Variants in SAMMSON observed in about 807,000 individuals in gnomAD.
SAMMSON encodes long intergenic non-protein coding RNA 1212.
intron 4 of SAMMSON, among the ~76,000 whole-genome samples, chr3:70,242,515 T>G (rs768069132): frequency 1.3e-5 from 2 of 152,210 alleles, no homozygotes; most frequent in Non-Finnish European, 2.9e-5. Flanking sequence ...TGTTTCCTGT[T>G]GTTCTTGGCC....
chr3:70,036,228 T>G (rs2107585180), intron 3 of SAMMSON, among the ~76,000 whole-genome samples: 1 of 152,270 alleles, frequency 6.6e-6, no homozygotes, highest in East Asian at 1.9e-4. Flanking sequence ...TAAGGCAAAG[T>G]CTCTTTGAGG....
At chr3:70,293,296 T>C (rs1702257450) in intron 7 of SAMMSON, among the ~76,000 whole-genome samples, 1 of 152,078 alleles carries the variant, frequency 6.6e-6, no homozygotes, top group South Asian at 2.1e-4. Flanking sequence ...TACATACAAT[T>C]ATCAAAATAT....
At chr3:70,012,897 C>G (rs1456767727) in intron 2 of SAMMSON, among the ~76,000 whole-genome samples, 2 of 152,048 alleles carry the variant, frequency 1.3e-5, no homozygotes, top group Non-Finnish European at 2.9e-5. Flanking sequence ...CCTCTTCTAC[C>G]ATACAAGGAA....
chr3:70,232,906 A>G (rs551239715), intron 4 of SAMMSON, among the ~76,000 whole-genome samples: 8 of 152,204 alleles, frequency 5.3e-5, no homozygotes, highest in Admixed American at 1.3e-4. Flanking sequence ...TTGAAGCCCT[A>G]TGCTAGGCGT....
At chr3:70,241,029 C>G (rs1280861823) in intron 4 of SAMMSON, among the ~76,000 whole-genome samples, 1 of 152,138 alleles carries the variant, frequency 6.6e-6, no homozygotes. Flanking sequence ...CATTTTTACA[C>G]CTTGTAACCA....
At chr3:70,226,293 G>T (rs1476663535) in intron 4 of SAMMSON, among the ~76,000 whole-genome samples, 1 of 152,206 alleles carries the variant, frequency 6.6e-6, no homozygotes, top group African/African-American at 2.4e-5. Flanking sequence ...CAATGTGTGA[G>T]AGGCACTCAG....
chr3:70,045,437 C>T (rs961526282), intron 3 of SAMMSON, among the ~76,000 whole-genome samples: 4 of 151,502 alleles, frequency 2.6e-5, no homozygotes, highest in South Asian at 4.2e-4. Context: ...TTAAAAGCTT[C>T]CAATTCACTA....
chr3:70,226,418 G>A (rs1012994710), intron 4 of SAMMSON, among the ~76,000 whole-genome samples: 1 of 152,154 alleles, frequency 6.6e-6, no homozygotes, highest in Admixed American at 6.5e-5. Context: ...GGGTGTCTCA[G>A]TGAAATTTTC....
At chr3:70,183,919 A>T (rs1166122709) in intron 4 of SAMMSON, 1 of 152,192 alleles carries the variant, frequency 6.6e-6, no homozygotes, top group Non-Finnish European at 1.5e-5. Flanking sequence ...AAGAAGAGAG[A>T]GTGTGTCACT....
intron 4 of SAMMSON, among the ~76,000 whole-genome samples, chr3:70,182,058 C>T (rs1284591773): frequency 6.6e-6 from 1 of 152,020 alleles, no homozygotes; most frequent in Admixed American, 6.5e-5. Flanking sequence ...CAGGATGCTC[C>T]AGTGCTCTGA....
At chr3:70,180,735 C>A (rs4557126) in intron 4 of SAMMSON, among the ~76,000 whole-genome samples, 36,768 of 152,078 alleles carry the variant, frequency 0.24, 5,797 homozygotes, top group Non-Finnish European at 0.35. Flanking sequence ...TATATCTGGG[C>A]CAACAATGGG....
intron 4 of SAMMSON, among the ~76,000 whole-genome samples, chr3:70,106,670 G>T (rs2067368469): frequency 1.3e-5 from 2 of 152,032 alleles, no homozygotes; most frequent in Admixed American, 1.3e-4. Flanking sequence ...GCTCCCAGGT[G>T]GACCCATGCT....
intron 3 of SAMMSON, among the ~76,000 whole-genome samples, chr3:70,047,928 T>G (rs1328776465): frequency 6.6e-6 from 1 of 152,104 alleles, no homozygotes; most frequent in Non-Finnish European, 1.5e-5. Context: ...GGAGCCCTCA[T>G]GACCTAAACT....
At chr3:70,149,058 G>C (rs1394681161) in intron 4 of SAMMSON, among the ~76,000 whole-genome samples, 1 of 152,046 alleles carries the variant, frequency 6.6e-6, no homozygotes, top group Non-Finnish European at 1.5e-5. Flanking sequence ...TTATTCTAAA[G>C]ACACCAATTT....
intron 4 of SAMMSON, among the ~76,000 whole-genome samples, chr3:70,112,983 T>C (rs7644096): frequency 0.02 from 3,043 of 152,274 alleles, 88 homozygotes; most frequent in African/African-American, 0.06. Context: ...ATAATAGCAG[T>C]TGAACATGTC....
chr3:70,035,825 TA>T (rs2067083334), intron 3 of SAMMSON, among the ~76,000 whole-genome samples: 1 of 152,192 alleles, frequency 6.6e-6, no homozygotes, highest in South Asian at 2.1e-4. Context: ...GATTTGTTTA[TA>T]TCTATCAAAA....
chr3:70,183,324 A>T (rs887717981), intron 4 of SAMMSON: 1 of 152,222 alleles, frequency 6.6e-6, no homozygotes, highest in African/African-American at 2.4e-5. Context: ...CAGAGTAAAT[A>T]TAACACCCAC....
chr3:70,206,236 A>G (rs1182975151), intron 4 of SAMMSON, among the ~76,000 whole-genome samples: 1 of 152,030 alleles, frequency 6.6e-6, no homozygotes, highest in Admixed American at 6.6e-5. Flanking sequence ...GACTAGAGTT[A>G]TAGACTGAAT....
chr3:70,355,006 C>G (rs1702819486), intron 8 of SAMMSON, among the ~76,000 whole-genome samples: 1 of 152,058 alleles, frequency 6.6e-6, no homozygotes, highest in African/African-American at 2.4e-5. Context: ...CAATAGTACA[C>G]TAAAGATAGA....
Sources: gnomAD v4.1 joint callset for allele counts (sites outside exome capture counted in the v4.1 genomes callset) on GRCh38, gnomAD v4.1.1 for gene constraint, MANE v1.5 for transcripts, NCBI Gene and HGNC (gene_info 2026-07-23, HGNC 2026-07-21) for gene names.